Variants in FRMD4B observed in about 807,000 individuals in gnomAD.
The protein encoded by FRMD4B is FERM domain-containing protein 4B.
In FRMD4B, 74 loss-of-function variants were observed where a neutral mutation model predicts 141.5. The ratio of observed to expected loss-of-function variants is 0.52; its 90% CI spans 0.43 to 0.63. The LOEUF is 0.63. Ranked by LOEUF, FRMD4B falls within the 30% of genes least tolerant of loss-of-function variation. The pLI is 0.00. For missense variants in FRMD4B, 1,366 were observed against 1,253.4 expected, an observed-to-expected ratio of 1.09 and a Z score of -1.36; for synonymous variants, 506 against 467.9, an observed-to-expected ratio of 1.08 and a Z score of -1.05.
intron 5 of FRMD4B, among the ~76,000 whole-genome samples, chr3:69,270,004 C>A (rs1401372217): frequency 6.6e-6 from 1 of 151,578 alleles, no homozygotes; most frequent in Non-Finnish European, 1.5e-5. Context: ...TTATCTATTT[C>A]TTTTTCTCTT....
At chr3:69,455,400 C>T (rs977341220) in intron 1 of FRMD4B, among the ~76,000 whole-genome samples, 2 of 152,222 alleles carry the variant, frequency 1.3e-5, no homozygotes, top group Admixed American at 6.5e-5. Flanking sequence ...CAAAGGTCTG[C>T]AGCTTCTCAT....
intron 1 of FRMD4B, among the ~76,000 whole-genome samples, chr3:69,336,746 G>A (rs750873179): frequency 1.3e-5 from 2 of 152,108 alleles, no homozygotes; most frequent in African/African-American, 2.4e-5. Flanking sequence ...TCAGGAGTTC[G>A]AGACCAGCCT....
intron 7 of FRMD4B, among the ~76,000 whole-genome samples, chr3:69,245,324 TG>T (rs1441881579): frequency 2.7e-5 from 4 of 148,334 alleles, no homozygotes; most frequent in Non-Finnish European, 5.9e-5. Context: ...TCTTTGTGTG[TG>T]TGTGTGTGTG....
At chr3:69,237,122 A>G (rs1283713168) in intron 7 of FRMD4B, among the ~76,000 whole-genome samples, 2 of 152,240 alleles carry the variant, frequency 1.3e-5, no homozygotes, top group South Asian at 2.1e-4. Flanking sequence ...AGGTGGCAAC[A>G]GATCTAAAGG....
chr3:69,357,795 G>C (rs17416638), intron 1 of FRMD4B, among the ~76,000 whole-genome samples: 19,437 of 152,208 alleles, frequency 0.13, 1,316 homozygotes, highest in South Asian at 0.18. Flanking sequence ...CATAAAGTAA[G>C]AGGACAAACT....
At chr3:69,281,651 C>T (rs1575688428) in intron 5 of FRMD4B, among the ~76,000 whole-genome samples, 4 of 151,836 alleles carry the variant, frequency 2.6e-5, no homozygotes, top group African/African-American at 9.7e-5. Flanking sequence ...TGGTGAAATC[C>T]CGTCTCTACT....
At chr3:69,507,100 C>T (rs2107084896) in intron 1 of FRMD4B, among the ~76,000 whole-genome samples, 1 of 152,216 alleles carries the variant, frequency 6.6e-6, no homozygotes, top group South Asian at 2.1e-4. Flanking sequence ...AGAATCAATA[C>T]TATTTTTGTG....
upstream of FRMD4B, among the ~76,000 whole-genome samples, chr3:69,390,750 G>A (rs1413804155): frequency 2.0e-5 from 3 of 152,106 alleles, no homozygotes; most frequent in Admixed American, 6.5e-5. Context: ...AAAATTAGCC[G>A]GGAGTAGTGG....
chr3:69,290,202 C>G (rs926586517), intron 4 of FRMD4B, among the ~76,000 whole-genome samples: 1 of 152,158 alleles, frequency 6.6e-6, no homozygotes, highest in African/African-American at 2.4e-5. Flanking sequence ...TGGAAAGGAG[C>G]AAGTGCCACT....
intron 1 of FRMD4B, among the ~76,000 whole-genome samples, chr3:69,537,657 C>A (rs1701108713): frequency 6.6e-6 from 1 of 152,212 alleles, no homozygotes; most frequent in Non-Finnish European, 1.5e-5. Context: ...ACTTGTTCTG[C>A]ATCTTGATCT....
chr3:69,215,403 G>A (rs566948212), intron 11 of FRMD4B, among the ~76,000 whole-genome samples: 4 of 143,164 alleles, frequency 2.8e-5, no homozygotes, highest in East Asian at 2.1e-4. Flanking sequence ...AGCAATGCTC[G>A]TGCCTCAGCC....
At chr3:69,450,954 G>A (rs968870784) in intron 1 of FRMD4B, among the ~76,000 whole-genome samples, 2 of 152,206 alleles carry the variant, frequency 1.3e-5, no homozygotes, top group African/African-American at 4.8e-5. Context: ...CTGGGGCTCT[G>A]ACTAATAAGA....
chr3:69,541,684 C>A (rs1701185966), intron 1 of FRMD4B, among the ~76,000 whole-genome samples: 1 of 152,160 alleles, frequency 6.6e-6, no homozygotes, highest in Non-Finnish European at 1.5e-5. Context: ...AAGCTATTCA[C>A]ATGCACACTG....
chr3:69,315,984 G>A (rs912111424), intron 1 of FRMD4B, among the ~76,000 whole-genome samples: 39 of 152,136 alleles, frequency 2.6e-4, no homozygotes, highest in Admixed American at 1.0e-3. Context: ...ATTTCTGAGC[G>A]GCACAGTTAC....
intron 5 of FRMD4B, among the ~76,000 whole-genome samples, chr3:69,282,751 C>T (rs571804808): frequency 2.4e-4 from 36 of 152,198 alleles, no homozygotes; most frequent in African/African-American, 7.9e-4. Flanking sequence ...GATTCTCCTG[C>T]CTCAGCCTCC....
At chr3:69,389,640 TAGA>T (rs1392917545), upstream of FRMD4B, among the ~76,000 whole-genome samples, 1 of 152,176 alleles carries the variant, frequency 6.6e-6, no homozygotes, top group African/African-American at 2.4e-5. Flanking sequence ...TCCTCTTTTG[TAGA>T]AGAAGTTCGA....
intron 5 of FRMD4B, among the ~76,000 whole-genome samples, chr3:69,283,970 C>CAAAAAAAAAA (rs146536193): frequency 8.0e-5 from 11 of 137,794 alleles, no homozygotes; most frequent in Middle Eastern, 3.6e-3. Flanking sequence ...CAAAACAAAA[C>CAAAAAAAAAA]AAAACAAAAA....
intron 1 of FRMD4B, among the ~76,000 whole-genome samples, chr3:69,483,923 G>A (rs181245984): frequency 6.6e-6 from 1 of 152,076 alleles, no homozygotes; most frequent in East Asian, 1.9e-4. Flanking sequence ...TGAGGTTTTT[G>A]TCGGTTCAGC....
intron 2 of FRMD4B, among the ~76,000 whole-genome samples, chr3:69,425,707 A>G (rs1705065883): frequency 6.6e-6 from 1 of 152,238 alleles, no homozygotes; most frequent in South Asian, 2.1e-4. Flanking sequence ...CACTTGGTAC[A>G]AAGTAGATGC....
Sources: gnomAD v4.1 joint callset for allele counts (sites outside exome capture counted in the v4.1 genomes callset) on GRCh38, gnomAD v4.1.1 for gene constraint, MANE v1.5 for transcripts, NCBI Gene and HGNC (gene_info 2026-07-23, HGNC 2026-07-21) for gene names.